Variants in HS3ST5 observed in about 807,000 individuals in gnomAD.
The protein encoded by HS3ST5 is heparan sulfate-glucosamine 3-sulfotransferase 5.
In HS3ST5, 10 loss-of-function variants were observed where a neutral mutation model predicts 25.4. The ratio of observed to expected loss-of-function variants is 0.39; its 90% confidence interval spans 0.24 to 0.67. The LOEUF is 0.67. Among genes scored for constraint, HS3ST5 ranks in the 30% least tolerant of loss-of-function variants. The pLI, the probability that HS3ST5 is intolerant of heterozygous loss-of-function variation, is 0.44. For synonymous variants in HS3ST5, 170 were observed against 162.4 expected, an observed-to-expected ratio of 1.05 and a Z score of -0.36; for missense variants, 324 against 420.7, an observed-to-expected ratio of 0.77 and a Z score of 2.01.
chr6:114,295,776 C>T (rs1327808338), intron 1 of HS3ST5, among the ~76,000 whole-genome samples: 1 of 152,142 alleles, frequency 6.6e-6, no homozygotes, highest in Non-Finnish European at 1.5e-5. Flanking sequence ...TCTACTGTGA[C>T]GGAAGCTGAA....
intron 3 of HS3ST5, among the ~76,000 whole-genome samples, chr6:114,110,820 G>A (rs898027890): frequency 1.3e-4 from 20 of 152,064 alleles, no homozygotes; most frequent in African/African-American, 4.6e-4. Flanking sequence ...ATAATGTAGT[G>A]GCTTCAATTA....
intron 3 of HS3ST5, among the ~76,000 whole-genome samples, chr6:114,151,167 T>C (rs1247331486): frequency 2.0e-5 from 3 of 152,156 alleles, no homozygotes; most frequent in Admixed American, 2.0e-4. Context: ...TGAGTTAGGA[T>C]TTTTTGGTAT....
At chr6:114,140,801 C>T (rs537106373) in intron 3 of HS3ST5, among the ~76,000 whole-genome samples, 3 of 152,210 alleles carry the variant, frequency 2.0e-5, no homozygotes, top group Non-Finnish European at 4.4e-5. Context: ...GGAAGCAGTA[C>T]AGGGCAGAGG....
intron 1 of HS3ST5, among the ~76,000 whole-genome samples, chr6:114,311,539 CTTTTT>C (rs11463610): frequency 1.3e-4 from 11 of 84,896 alleles, no homozygotes; most frequent in East Asian, 4.0e-4. Context: ...TTCTCTCTCT[CTTTTT>C]TTTTTTTTTT....
chr6:114,284,428 T>C (rs914802021), intron 1 of HS3ST5, among the ~76,000 whole-genome samples: 12 of 151,950 alleles, frequency 7.9e-5, no homozygotes, highest in African/African-American at 2.9e-4. Flanking sequence ...TCTTTTATTC[T>C]CAAGTAATTG....
At chr6:114,218,912 A>C (rs1392568022) in intron 2 of HS3ST5, among the ~76,000 whole-genome samples, 1 of 152,186 alleles carries the variant, frequency 6.6e-6, no homozygotes, top group Non-Finnish European at 1.5e-5. Context: ...CCATACAGAA[A>C]TTTCTATTTA....
At chr6:114,084,979 G>A (rs971953349) in intron 3 of HS3ST5, among the ~76,000 whole-genome samples, 2 of 151,300 alleles carry the variant, frequency 1.3e-5, no homozygotes, top group African/African-American at 4.9e-5. Context: ...CTACAGGTGC[G>A]CACCACCACC....
At chr6:114,125,012 T>G (rs1156301943) in intron 3 of HS3ST5, among the ~76,000 whole-genome samples, 2 of 152,154 alleles carry the variant, frequency 1.3e-5, no homozygotes, top group African/African-American at 4.8e-5. Flanking sequence ...GGATATAAGT[T>G]TATATATCTT....
At chr6:114,205,805 G>A (rs948364058) in intron 2 of HS3ST5, among the ~76,000 whole-genome samples, 3 of 152,136 alleles carry the variant, frequency 2.0e-5, no homozygotes, top group African/African-American at 7.2e-5. Flanking sequence ...AGGCAACTTA[G>A]ATCCCTCACA....
chr6:114,084,672 G>A, intron 3 of HS3ST5: 1 of 1,224,486 alleles, frequency 8.2e-7, no homozygotes, highest in South Asian at 1.2e-5. Flanking sequence ...TCAGCCCTGG[G>A]GTCAGTAACC....
chr6:114,222,662 G>A (rs1319397937), intron 2 of HS3ST5, among the ~76,000 whole-genome samples: 1 of 151,812 alleles, frequency 6.6e-6, no homozygotes, highest in Non-Finnish European at 1.5e-5. Context: ...TACCCTGCTC[G>A]TGAAGGAAGA....
chr6:114,236,947 C>T (rs1007889467), intron 1 of HS3ST5, among the ~76,000 whole-genome samples: 2 of 152,162 alleles, frequency 1.3e-5, no homozygotes, highest in Admixed American at 6.5e-5. Flanking sequence ...CGACGCCGGG[C>T]CCATGTTATC....
chr6:114,279,372 T>C (rs773507437), intron 1 of HS3ST5, among the ~76,000 whole-genome samples: 12 of 152,082 alleles, frequency 7.9e-5, no homozygotes, highest in Non-Finnish European at 1.6e-4. Flanking sequence ...CATGGGGTTC[T>C]GCCACAGAAG....
chr6:114,162,115 C>T (rs1779002753), intron 3 of HS3ST5, among the ~76,000 whole-genome samples: 1 of 152,034 alleles, frequency 6.6e-6, no homozygotes, highest in Admixed American at 6.6e-5. Flanking sequence ...ATTATTCTCT[C>T]AGTAATTTTT....
In HS3ST5 at chr6:114,056,170, T is replaced by C. The variant is rs996557448; in HGVS notation, c.*1087A>G. The C allele has an allele frequency of 1.1e-4, 16 of 152,232 alleles. No homozygotes were observed. The highest frequency in any genetic ancestry group is 3.6e-4 in the African/African-American group (15 of 41,444). The allele number at this position is 152,232 out of a possible 1,614,324, so 9.4% of individuals were successfully genotyped here. A position where few individuals can be genotyped will look rare whatever the true frequency, so the allele number is the denominator to read the frequency against. ...CTTGATTCTGTTAAAATATTCCTTG[T>C]CTCTCTTCCTGAGCAGCAGCAACTG... On this transcript the variant is annotated 3_prime_UTR_variant, in exon 5 of 5. Coordinates refer to ENST00000312719, the MANE Select transcript of HS3ST5 (RefSeq NM_153612.4).
chr6:114,132,498 C>T (rs889301723), intron 3 of HS3ST5, among the ~76,000 whole-genome samples: 3 of 152,196 alleles, frequency 2.0e-5, no homozygotes, highest in African/African-American at 7.2e-5. Flanking sequence ...CAAATACCAG[C>T]AGGGCAGGCA....
chr6:114,324,453 T>C (rs1776093185), intron 1 of HS3ST5, among the ~76,000 whole-genome samples: 1 of 152,188 alleles, frequency 6.6e-6, no homozygotes, highest in Non-Finnish European at 1.5e-5. Context: ...CCTAAAACAT[T>C]TTGATGCAAC....
chr6:114,252,106 G>C (rs1772691501), intron 1 of HS3ST5, among the ~76,000 whole-genome samples: 1 of 151,798 alleles, frequency 6.6e-6, no homozygotes, highest in African/African-American at 2.4e-5. Flanking sequence ...AACTACTCCA[G>C]GTCTTATTTC....
intron 1 of HS3ST5, among the ~76,000 whole-genome samples, chr6:114,323,631 A>G (rs995646874): frequency 8.5e-5 from 13 of 152,190 alleles, no homozygotes; most frequent in African/African-American, 3.1e-4. Context: ...CATTATTATG[A>G]AGATAACATA....
Sources: allele counts gnomAD v4.1 joint callset (sites outside exome capture counted in the v4.1 genomes callset), GRCh38; gene constraint gnomAD v4.1.1; transcripts MANE v1.5; gene names NCBI Gene and HGNC (gene_info 2026-07-23, HGNC 2026-07-21).